Variants in GJB6 observed in about 807,000 individuals in gnomAD.
GJB6 encodes the protein gap junction beta-6 protein.
Under a neutral mutation model 5.4 loss-of-function variants are expected in GJB6, and 5 were observed. That is an observed-to-expected ratio of 0.92 (90% CI 0.48 to 1.93). The LOEUF is 1.93. Ranked by LOEUF, GJB6 falls within the 30% of genes most tolerant of loss-of-function variation. GJB6 has a pLI of 0.01. For missense variants in GJB6, 298 were observed against 326.9 expected (o/e 0.91, Z 0.68); for synonymous variants, 136 against 129.6 (o/e 1.05, Z -0.34).
chr13:20,226,181 C>T (rs1373453479), intron 4 of GJB6, among the ~76,000 whole-genome samples: 1 of 151,830 alleles, frequency 6.6e-6, no homozygotes, highest in Admixed American at 6.6e-5. Context: ...GACGCTGAGG[C>T]ACAGGGCGGT....
intron 4 of GJB6, among the ~76,000 whole-genome samples, chr13:20,226,225 T>TGC (rs1172383425): frequency 4.6e-5 from 7 of 151,418 alleles, no homozygotes; most frequent in Admixed American, 2.6e-4. Context: ...ATTCAATGCC[T>TGC]GCGTGGATCT....
chr13:20,222,434 A>G lies in GJB6; in HGVS notation c.*261T>C, dbSNP rs1869235399. On this transcript the variant is annotated 3_prime_UTR_variant, in exon 5 of 5. Transcript: ENST00000647029. ...TCAGAAAGTACCCACTTTGTCAGAG[A>G]GTCCACTTAAAAGGAACCTGTCAAA... The G allele has an allele frequency of 4.3e-6, 2 of 466,572 alleles. No individual in the cohort carries two copies. The highest frequency in any genetic ancestry group is 3.8e-6 in the Non-Finnish European group (1 of 262,936). 28.9% of individuals were successfully genotyped at this position (466,572 alleles called of 1,614,324 possible).
chr13:20,228,759 C>T (rs949543578), intron 4 of GJB6, among the ~76,000 whole-genome samples: 1 of 152,100 alleles, frequency 6.6e-6, no homozygotes, highest in East Asian at 1.9e-4. Flanking sequence ...GCTGGGATTA[C>T]AAGCATGAGC....
At chr13:20,228,492 T>G (rs201197097) in intron 4 of GJB6, among the ~76,000 whole-genome samples, 1 of 146,480 alleles carries the variant, frequency 6.8e-6, no homozygotes, top group South Asian at 2.2e-4. Context: ...TTTTGTTTTT[T>G]GTTTTTTTTG....
Position 20,222,953 on chromosome 13 carries a change from G to A in GJB6, c.528C>T (p.Asn176=). ...VLKCGIDPCP[N]LVDCFISRPT... Reference sequence around the variant, plus strand: ...GCCTAGAAATAAAGCAGTCAACAAGGTTGGGGCAGGGGTCAATCCCACATT... The same window carrying A: ...GCCTAGAAATAAAGCAGTCAACAAGATTGGGGCAGGGGTCAATCCCACATT... Residue 176 remains asparagine, a synonymous_variant, in exon 5 of 5, where the codon AAC becomes AAT. Transcript: ENST00000647029. 1 of 1,614,158 alleles carries A rather than the reference G, an allele frequency of 6.2e-7. No homozygotes were observed. The highest frequency in any genetic ancestry group is 8.5e-7 in the Non-Finnish European group (1 of 1,180,032).
Position 20,222,819 on chromosome 13 carries a change from C to T in GJB6, c.662G>A (p.Arg221Lys), listed in dbSNP as rs749332449. 3 of 1,613,988 alleles carry T rather than the reference C, an allele frequency of 1.9e-6. No individual in the cohort carries two copies. The highest frequency in any genetic ancestry group is 2.2e-5 in the East Asian group (1 of 44,902). ...CYLLLKVCFR[R>K]SKRAQTQKNH... ...TTTTTGCGTCTGTGCTCTCTTTGAT[C>T]TCCTAAAACACACTTTCAGCAGCAG... Residue 221 changes from arginine to lysine, a missense_variant, in exon 5 of 5, where the codon AGA (arginine) becomes AAA (lysine). By Grantham distance (26) the Arg-to-Lys change is conservative. Coordinates refer to ENST00000647029, the MANE Select transcript of GJB6 (RefSeq NM_001110219.3).
chr13:20,224,673 A>G (rs1002335566), intron 4 of GJB6, among the ~76,000 whole-genome samples: 1 of 152,244 alleles, frequency 6.6e-6, no homozygotes, highest in African/African-American at 2.4e-5. Context: ...CTATACTGCC[A>G]CAGAAGACTA....
chr13:20,228,683 A>G (rs1461658857), intron 4 of GJB6, among the ~76,000 whole-genome samples: 3 of 96,242 alleles, frequency 3.1e-5, no homozygotes, highest in Non-Finnish European at 7.7e-5. Flanking sequence ...ACGGGGTTTC[A>G]CCGTGTTAGC....
At position 20,227,029 on chromosome 13, in the gene GJB6, A is replaced by G. The variant is rs768362338; in HGVS notation, c.-16+2551T>C. Among the ~76,000 whole-genome samples the G allele has an allele frequency of 2.0e-5, 3 of 152,128 alleles. No homozygotes were observed. In the East Asian group the frequency reaches 5.8e-4, roughly 29 times the overall value. On this transcript the variant is annotated intron_variant, in intron 4 of 4. Coordinates refer to ENST00000647029, the MANE Select transcript of GJB6 (RefSeq NM_001110219.3). The stretch of plus-strand genomic sequence containing the variant: ...ATGGCCTGGATGATTCTGAGAGGCT[A>G]AAGTCACAGAAAAGGTCAAGAGGTC...
At chr13:20,228,473 GT>G (rs200751103) in intron 4 of GJB6, among the ~76,000 whole-genome samples, 3 of 149,782 alleles carry the variant, frequency 2.0e-5, no homozygotes, top group African/African-American at 7.4e-5. Flanking sequence ...GTTTGTTTTT[GT>G]TTTTTGTTTT....
intron 3 of GJB6, 63 bp from the exon 4 acceptor site, chr13:20,229,812 G>T (rs978070780): frequency 3.4e-5 from 1 of 29,700 alleles, no homozygotes; most frequent in African/African-American, 1.5e-4. Flanking sequence ...CCCGCCCCCC[G>T]CAATATGTCC....
Position 20,230,739 on chromosome 13 carries a change from T to TA in GJB6, c.-228dup, listed in dbSNP as rs1870024511. The TA allele has an allele frequency of 6.6e-6, 1 of 152,228 alleles. No homozygotes were observed. The highest frequency in any genetic ancestry group is 2.1e-4 in the South Asian group (1 of 4,834). 9.4% of individuals were successfully genotyped at this position (152,228 alleles called of 1,614,324 possible). ...GAATTAAAGATGCATGAAGAGGGCG[T>TA]ACAAGTTAGAATTTTTCTTTCGCCA... On this transcript the variant is annotated 5_prime_UTR_variant, in exon 3 of 5. Transcript: ENST00000647029.
chr13:20,223,440 T>A lies in GJB6; in HGVS notation c.41A>T (p.Asn14Ile), dbSNP rs755769938. ...CTTCCCGATGCTGGTGGAGTGTTTG[T>A]TGACACCCCCGATGAAAGTGTGCAG... is the stretch of plus-strand genomic sequence containing the variant. ...GTLHTFIGGV[N>I]KHSTSIGKVW... Residue 14 changes from asparagine to isoleucine, a missense_variant, in exon 5 of 5, where the codon AAC (asparagine) becomes ATC (isoleucine). Asn to Ile is a moderately radical substitution (Grantham distance 149). Transcript: ENST00000647029. The A allele has an allele frequency of 1.2e-6, 2 of 1,614,154 alleles. No individual in the cohort carries two copies. The highest frequency in any genetic ancestry group is 2.2e-5 in the South Asian group (2 of 91,082).
chr13:20,224,172 A>G (rs1326684593), intron 4 of GJB6, among the ~76,000 whole-genome samples: 1 of 152,128 alleles, frequency 6.6e-6, no homozygotes, highest in Non-Finnish European at 1.5e-5. Context: ...CCTAGGGCTC[A>G]CCTAGCTTCC....
chr13:20,228,591 C>T (rs1001051649), intron 4 of GJB6, among the ~76,000 whole-genome samples: 1 of 149,188 alleles, frequency 6.7e-6, no homozygotes, highest in Non-Finnish European at 1.5e-5. Context: ...TCACGCCGTT[C>T]TCCCGCCTCA....
In GJB6 at chr13:20,223,598, G is replaced by C. The variant is rs371955031; in HGVS notation, c.-15-103C>G. ...AGCCAACTTTATTTTAAGGTAGGCTGTGATACTTTACAACTTCAACTCCCT... is the reference window on the plus strand; with the variant it reads ...AGCCAACTTTATTTTAAGGTAGGCTCTGATACTTTACAACTTCAACTCCCT... On this transcript the variant is annotated intron_variant, in intron 4 of 4. Coordinates refer to ENST00000647029, the MANE Select transcript of GJB6 (RefSeq NM_001110219.3). 3.1e-5 allele frequency: 28 copies of C among 909,134 alleles called. No homozygotes were observed. In the African/African-American group the frequency reaches 4.4e-4, roughly 14 times the overall value. 56.3% of individuals were successfully genotyped at this position (909,134 alleles called of 1,614,324 possible).
At chr13:20,224,325 A>C (rs1052052823) in intron 4 of GJB6, among the ~76,000 whole-genome samples, 1 of 152,260 alleles carries the variant, frequency 6.6e-6, no homozygotes, top group Non-Finnish European at 1.5e-5. Flanking sequence ...ATTTATACTT[A>C]ATTCTAGCTT....
intron 4 of GJB6, among the ~76,000 whole-genome samples, chr13:20,228,490 TTTG>T (rs1869759039): frequency 6.8e-6 from 1 of 146,260 alleles, no homozygotes; most frequent in Non-Finnish European, 1.5e-5. Context: ...GTTTTTGTTT[TTTG>T]TTTTTTTTGA....
chr13:20,228,732 C>A (rs986485723), intron 4 of GJB6, among the ~76,000 whole-genome samples: 36 of 151,830 alleles, frequency 2.4e-4, no homozygotes, highest in Non-Finnish European at 4.3e-4. Context: ...GATCCGCCCC[C>A]CTTGGCCTCC....
Sources: allele counts gnomAD v4.1 joint callset (sites outside exome capture counted in the v4.1 genomes callset), GRCh38; gene constraint gnomAD v4.1.1; transcripts MANE v1.5; gene names NCBI Gene and HGNC (gene_info 2026-07-23, HGNC 2026-07-21).